The following ZDHHC23 variants were observed in gnomAD, a reference collection of about 807,000 sequenced individuals.
ZDHHC23 encodes zDHHC palmitoyltransferase 23.
Under a neutral mutation model 40.2 loss-of-function variants are expected in ZDHHC23, and 41 were observed. The observed-to-expected ratio is 1.02, with a 90% CI of 0.79 to 1.32. The LOEUF is 1.32. Among genes scored for constraint, ZDHHC23 ranks in the 40% most tolerant of loss-of-function variants. The pLI is 0.00. For missense variants in ZDHHC23, 471 were observed against 541.5 expected, an observed-to-expected ratio of 0.87 and a Z score of 1.29; for synonymous variants, 204 against 210.2, an observed-to-expected ratio of 0.97 and a Z score of 0.26.
the ZDHHC23 span, among the ~76,000 whole-genome samples, chr3:113,970,469 T>A: frequency 6.6e-6 from 1 of 152,112 alleles, no homozygotes; most frequent in East Asian, 1.9e-4. Context: ...CTGGATGCCC[T>A]TATTTTTTTC....
chr3:113,957,526 G>A (rs762253580), intron 4 of ZDHHC23: 81 of 373,028 alleles, frequency 2.2e-4, no homozygotes, highest in Middle Eastern at 9.7e-4. Flanking sequence ...GTGCACTCTC[G>A]GTGCGGAGGC....
intron 2 of ZDHHC23, among the ~76,000 whole-genome samples, chr3:113,951,279 G>C (rs1559840931): frequency 6.6e-6 from 1 of 152,158 alleles, no homozygotes; most frequent in Admixed American, 6.5e-5. Flanking sequence ...GGGGCTCTCT[G>C]TGGTGGCCCC....
In ZDHHC23 at chr3:113,962,273, G is replaced by C. The variant is rs1407736393; in HGVS notation, c.*3643G>C. ...CTGTGACTAATATAAATTTCTTGCA[G>C]AATCAGCTACACTTAATTATGTTGC... is the stretch of plus-strand genomic sequence containing the variant. On this transcript the variant is annotated 3_prime_UTR_variant, in exon 5 of 5. Coordinates refer to ENST00000638807, the MANE Select transcript of ZDHHC23 (RefSeq NM_001320466.2). The C allele has an allele frequency of 2.6e-5, 4 of 152,218 alleles. No individual in the cohort carries two copies. In the East Asian group the frequency reaches 7.7e-4, roughly 29 times the overall value. 9.4% of individuals were successfully genotyped at this position (152,218 alleles called of 1,614,324 possible).
chr3:113,949,109 G>A, intron 2 of ZDHHC23, 146 bp downstream of exon 2: 1 of 1,082,408 alleles, frequency 9.2e-7, no homozygotes, highest in Non-Finnish European at 1.3e-6. Flanking sequence ...TCTGTGTCAA[G>A]TGTGAGGATT....
intron 3 of ZDHHC23, among the ~76,000 whole-genome samples, 194 bp from the exon 4 acceptor site, chr3:113,956,145 G>A (rs1214418762): frequency 6.6e-6 from 1 of 152,164 alleles, no homozygotes; most frequent in East Asian, 1.9e-4. Flanking sequence ...GAGAGGCTGA[G>A]GCAGGAGAAT....
At position 113,959,584 on chromosome 3, in the gene ZDHHC23, C is replaced by T; in HGVS notation, c.*954C>T. ...GAGAACAGACACTCCTGTGGGGATG[C>T]TTTACTCTCTTTTCTGGTAGGAAGG... On this transcript the variant is annotated 3_prime_UTR_variant, in exon 5 of 5. Transcript: ENST00000638807. 8.2e-7 allele frequency: 1 copy of T among 1,222,172 alleles called. No homozygotes were observed. Among genetic ancestry groups the T allele is most frequent in the Non-Finnish European group, 1.1e-6 (1 of 938,550 alleles). The allele number at this position is 1,222,172 out of a possible 1,614,324, so 75.7% of individuals were successfully genotyped here. A position where few individuals can be genotyped will look rare whatever the true frequency, so the allele number is the denominator to read the frequency against.
intron 2 of ZDHHC23, among the ~76,000 whole-genome samples, chr3:113,950,481 A>G (rs752842258): frequency 6.6e-6 from 1 of 152,116 alleles, no homozygotes; most frequent in East Asian, 1.9e-4. Context: ...GCTCTATTAT[A>G]AGGGCACAAG....
downstream of ZDHHC23, among the ~76,000 whole-genome samples, chr3:113,969,279 ACT>A (rs1046076687): frequency 6.6e-6 from 1 of 151,370 alleles, no homozygotes; most frequent in African/African-American, 2.4e-5. Flanking sequence ...GTTTGCAAAT[ACT>A]CTCTCTCTCT....
the ZDHHC23 span, among the ~76,000 whole-genome samples, chr3:113,977,302 A>C: frequency 6.6e-6 from 1 of 152,218 alleles, no homozygotes; most frequent in South Asian, 2.1e-4. Flanking sequence ...GCATTTTTAT[A>C]CACCCACACA....
chr3:113,948,866 C>T lies in ZDHHC23; in HGVS notation c.64C>T (p.Pro22Ser). The T allele has an allele frequency of 6.2e-7, 1 of 1,614,182 alleles. No homozygotes were observed. Among genetic ancestry groups the T allele is most frequent in the Non-Finnish European group, 8.5e-7 (1 of 1,180,030 alleles). ...KKKTEEPELE[P>S]LCCCEYIDRN... ...GAAAACCGAAGAACCTGAATTGGAG[C>T]CCCTGTGCTGCTGCGAGTACATAGA... The change falls in exon 2 of 5, where the codon CCC becomes TCC. Residue 22 changes from proline (P) to serine (S), a missense_variant. Coordinates refer to ENST00000638807, the MANE Select transcript of ZDHHC23 (RefSeq NM_001320466.2).
chr3:113,960,736 C>T lies in ZDHHC23; in HGVS notation c.*2106C>T. The T allele has an allele frequency of 6.3e-7, 1 of 1,576,372 alleles. No individual in the cohort carries two copies. The highest frequency in any genetic ancestry group is 8.6e-7 in the Non-Finnish European group (1 of 1,166,608). On this transcript the variant is annotated 3_prime_UTR_variant, in exon 5 of 5. Coordinates refer to ENST00000638807, the MANE Select transcript of ZDHHC23 (RefSeq NM_001320466.2). ...CTCTAATAGGGTTACTTGGATGAGC[C>T]AACTCCGCTTCCTTCCCATGGATAG...
In ZDHHC23 at chr3:113,954,151, C is replaced by T. The variant is rs747146351; in HGVS notation, c.613C>T (p.Leu205=). 1.2e-6 allele frequency: 2 copies of T among 1,614,206 alleles called. No individual in the cohort carries two copies. Among genetic ancestry groups the T allele is most frequent in the South Asian group, 1.1e-5 (1 of 91,082 alleles). Residue 205 remains leucine, a synonymous_variant, in exon 3 of 5, where the codon CTA becomes TTA. Transcript: ENST00000638807. ...LSNPASGDRS[L]SSSQLECLSR... ...CAATCCAGCAAGCGGTGACAGATCT[C>T]TAAGCAGCAGCCAGCTGGAGTGCCT...
In ZDHHC23 at chr3:113,959,996, C is replaced by T; in HGVS notation, c.*1366C>T. On this transcript the variant is annotated 3_prime_UTR_variant, in exon 5 of 5. Transcript: ENST00000638807. ...GAGGGAATTTCAGATGAGGAAAATA[C>T]CCTTTTGAAATGTTAGTTTTGAACA... 1.0e-6 allele frequency: 1 copy of T among 991,984 alleles called. No homozygotes were observed. Among genetic ancestry groups the T allele is most frequent in the Non-Finnish European group, 1.2e-6 (1 of 833,142 alleles). 61.4% of individuals were successfully genotyped at this position (991,984 alleles called of 1,614,324 possible).
At chr3:113,952,196 G>T (rs569817982) in intron 2 of ZDHHC23, among the ~76,000 whole-genome samples, 3 of 151,448 alleles carry the variant, frequency 2.0e-5, no homozygotes, top group South Asian at 2.1e-4. Context: ...AAGCCATGCA[G>T]CACCCTGAAC....
At chr3:113,951,018 C>T (rs1456765478) in intron 2 of ZDHHC23, among the ~76,000 whole-genome samples, 2 of 152,228 alleles carry the variant, frequency 1.3e-5, no homozygotes, top group African/African-American at 4.8e-5. Context: ...ACTGGGTTGG[C>T]GGTTGGGCCC....
rs1228015045 is a variant in ZDHHC23 at position 113,954,636 on chromosome 3, G to GT, written c.872+226_872+227insT. Among the ~76,000 whole-genome samples the GT allele has an allele frequency of 4.1e-4, 62 of 151,296 alleles. 1 individual carries two copies. The highest frequency in any genetic ancestry group is 1.5e-3 in the African/African-American group (61 of 41,164). Reference sequence around the variant, plus strand: ...AAGGAGAATAACAGAAAACTTGTGGGGTTTTTTTTTTCTCAATTTTCTTTT... The same window carrying GT: ...AAGGAGAATAACAGAAAACTTGTGGGTGTTTTTTTTTTCTCAATTTTCTTTT... On this transcript the variant is annotated intron_variant, in intron 3 of 4. Transcript: ENST00000638807.
chr3:113,958,430 C>A lies in ZDHHC23; in HGVS notation c.1108C>A (p.Leu370Met). ...CACAGCAGGCATGGCCTACATCTTC[C>A]TGATCCAGCTGATCAACATCAGCTA... is the stretch of plus-strand genomic sequence containing the variant. ...IITAGMAYIF[L>M]IQLINISYNV... Residue 370 changes from leucine to methionine, a missense_variant, in exon 5 of 5, where the codon CTG becomes ATG. This residue lies in a region of ZDHHC23 where 346 missense variants were observed against 399.8 expected (regional missense o/e 0.87). Transcript: ENST00000638807. 1 of 1,614,194 alleles carries A rather than the reference C, an allele frequency of 6.2e-7. No individual in the cohort carries two copies. Among genetic ancestry groups the A allele is most frequent in the Non-Finnish European group, 8.5e-7 (1 of 1,180,036 alleles).
the ZDHHC23 span, among the ~76,000 whole-genome samples, chr3:113,974,560 T>G: frequency 1.1e-3 from 171 of 152,276 alleles, 3 homozygotes; most frequent in East Asian, 0.031. Flanking sequence ...CCTCAGGTGA[T>G]CTGCCCACCT....
At chr3:113,978,731 A>T in the ZDHHC23 span, 2 of 955,762 alleles carry the variant, frequency 2.1e-6, no homozygotes, top group Non-Finnish European at 3.2e-6. Context: ...AAAGCAGTGA[A>T]TGGGATTGAC....
Sources: allele counts gnomAD v4.1 joint callset (sites outside exome capture counted in the v4.1 genomes callset), GRCh38; gene constraint gnomAD v4.1.1; regional missense constraint gnomAD v4.1.1; transcripts MANE v1.5; gene names NCBI Gene and HGNC (gene_info 2026-07-23, HGNC 2026-07-21).